The following ADGRG6 variants were observed in gnomAD, a reference collection of about 807,000 sequenced individuals.
The protein encoded by ADGRG6 is G-protein coupled receptor 126.
A neutral mutation model predicts 142.4 loss-of-function variants in ADGRG6; 84 were observed. That is an observed-to-expected ratio of 0.59 (90% CI 0.49 to 0.71). The LOEUF (loss-of-function observed/expected upper bound fraction) is 0.71, where lower values mean the gene tolerates loss of function less well. Among genes scored for constraint, ADGRG6 ranks in the 30% least tolerant of loss-of-function variants. The pLI is 0.00. For synonymous variants in ADGRG6, 521 were observed against 520.5 expected (o/e 1.00, Z -0.01); for missense variants, 1,367 against 1,466.6 (o/e 0.93, Z 1.11).
rs150389665 is a variant in ADGRG6, at chr6:142,334,151, A to G, written c.103+24507A>G. The stretch of plus-strand genomic sequence containing the variant: ...ATATGAATGTTCAACTTGAAATTCT[A>G]GAAATATGATCATTAATGGAAATAC... On this transcript the variant is annotated intron_variant, in intron 2 of 24. Coordinates refer to ENST00000367609, the MANE Select transcript of ADGRG6 (RefSeq NM_198569.3). Among the ~76,000 whole-genome samples the G allele has an allele frequency of 7.7e-4, 117 of 152,330 alleles. 1 individual carries two copies. The highest frequency in any genetic ancestry group is 9.7e-4 in the Non-Finnish European group (66 of 68,022).
intron 2 of ADGRG6, among the ~76,000 whole-genome samples, chr6:142,335,184 T>G (rs1337761430): frequency 6.6e-6 from 1 of 152,202 alleles, no homozygotes; most frequent in Non-Finnish European, 1.5e-5. Context: ...TAGTGTTAAG[T>G]CATGGGGAAC....
chr6:142,415,679 G>A (rs1007938290), intron 19 of ADGRG6, 117 bp from the exon 20 acceptor site: 5 of 657,102 alleles, frequency 7.6e-6, no homozygotes, highest in African/African-American at 5.4e-5. Flanking sequence ...ACATCAGAAA[G>A]GTGGTGCTAC....
In ADGRG6 at chr6:142,370,542, A is replaced by G. The variant is rs1781190550; in HGVS notation, c.818A>G (p.Glu273Gly). Residue 273 changes from glutamate (E) to glycine (G), a missense_variant, in exon 4 of 25, where the codon GAA (glutamate) becomes GGA (glycine). Transcript: ENST00000367609. ...GGTGTAAATTTCAAAAGAAACTATGAAACAGTTCCATGTGATTCTACCATT... is the reference window on the plus strand; with the variant it reads ...GGTGTAAATTTCAAAAGAAACTATGGAACAGTTCCATGTGATTCTACCATT... ...SIGVNFKRNY[E>G]TVPCDSTISK... 3 of 1,613,470 alleles carry G rather than the reference A, an allele frequency of 1.9e-6. No homozygotes were observed. The South Asian group carries it at 3.3e-5, about 18-fold the overall frequency.
At chr6:142,436,451 CATAGTAGGGTCATGGATGTGG>C (rs573991948) in intron 22 of ADGRG6, among the ~76,000 whole-genome samples, 1,850 of 151,986 alleles carry the variant, frequency 0.012, 20 homozygotes, top group Middle Eastern at 0.1. Flanking sequence ...CAAGAGTGGT[CATAGTAGGGTCATGGATGTGG>C]ATAGCAATCT....
chr6:142,348,600 G>A (rs932976977), intron 2 of ADGRG6, among the ~76,000 whole-genome samples: 2 of 151,364 alleles, frequency 1.3e-5, no homozygotes, highest in South Asian at 2.1e-4. Flanking sequence ...TGGATCATGA[G>A]CAAAGCAATA....
At chr6:142,401,855 G>A (rs1775544368) in intron 11 of ADGRG6, 139 bp from the exon 12 acceptor site, 1 of 543,006 alleles carries the variant, frequency 1.8e-6, no homozygotes, top group African/African-American at 1.9e-5. Flanking sequence ...TGGAAAGAGT[G>A]AGAAGCTCAG....
chr6:142,389,587 G>C (rs188827001), intron 6 of ADGRG6, among the ~76,000 whole-genome samples: 28 of 151,714 alleles, frequency 1.8e-4, no homozygotes, highest in Non-Finnish European at 2.8e-4. Flanking sequence ...TTTACAATAA[G>C]GTTTTCTTTT....
intron 2 of ADGRG6, among the ~76,000 whole-genome samples, chr6:142,367,326 T>C (rs1202752503): frequency 6.6e-6 from 1 of 152,200 alleles, no homozygotes; most frequent in Non-Finnish European, 1.5e-5. Flanking sequence ...TCTCAGACTG[T>C]ATAACCTCCC....
intron 2 of ADGRG6, among the ~76,000 whole-genome samples, chr6:142,337,867 CAG>C (rs1416807444): frequency 1.3e-5 from 2 of 151,534 alleles, no homozygotes; most frequent in African/African-American, 4.8e-5. Flanking sequence ...TGGGCTAACA[CAG>C]GGGACTCATA....
At position 142,370,387 on chromosome 6, in the gene ADGRG6, C is replaced by G; in HGVS notation, c.663C>G (p.Gly221=). ...QLLSFGKAKS[G]YFLSISDSKC... ...TCAGTTTTGGAAAGGCCAAGAGTGGCTACTTTCTATCCATTTCTGATTCAA... is the reference window on the plus strand; with the variant it reads ...TCAGTTTTGGAAAGGCCAAGAGTGGGTACTTTCTATCCATTTCTGATTCAA... The change falls in exon 4 of 25, where the codon GGC becomes GGG. Residue 221 remains glycine (G), a synonymous_variant. Transcript: ENST00000367609. 1.2e-6 allele frequency: 2 copies of G among 1,613,134 alleles called. No homozygotes were observed. The highest frequency in any genetic ancestry group is 2.2e-5 in the South Asian group (2 of 91,044).
intron 4 of ADGRG6, among the ~76,000 whole-genome samples, chr6:142,373,173 G>A (rs1296909642): frequency 1.3e-5 from 2 of 152,142 alleles, no homozygotes; most frequent in Non-Finnish European, 2.9e-5. Context: ...ATTGGAGCTT[G>A]GAAAGTTTGG....
At chr6:142,432,994 C>T (rs967408294) in intron 22 of ADGRG6, among the ~76,000 whole-genome samples, 11 of 152,194 alleles carry the variant, frequency 7.2e-5, no homozygotes, top group African/African-American at 2.4e-4. Flanking sequence ...GGCCCTCTAA[C>T]GAATAATACC....
chr6:142,368,892 A>G (rs1249382108), intron 3 of ADGRG6, among the ~76,000 whole-genome samples: 1 of 152,162 alleles, frequency 6.6e-6, no homozygotes, highest in Admixed American at 6.5e-5. Context: ...ACCACTAATA[A>G]AATGTTGATG....
chr6:142,383,625 C>G, intron 5 of ADGRG6, 135 bp from the exon 6 acceptor site: 1 of 602,226 alleles, frequency 1.7e-6, no homozygotes, highest in East Asian at 2.8e-5. Context: ...ACATTACAAC[C>G]TTGGAGTCTT....
At position 142,411,440 on chromosome 6, in the gene ADGRG6, G is replaced by A. The variant is rs772468394; in HGVS notation, c.2541+29G>A. 14 of 1,116,788 alleles carry A rather than the reference G, an allele frequency of 1.3e-5. No individual in the cohort carries two copies. The South Asian group carries it at 1.4e-4, about 11-fold the overall frequency. 69.2% of individuals were successfully genotyped at this position (1,116,788 alleles called of 1,614,324 possible). ...AGGGGGGAATTTCTAAGCTCATTTT[G>A]ACATGCTGTAACTTTGGATGGCATA... is the stretch of plus-strand genomic sequence containing the variant. On this transcript the variant is annotated intron_variant, in intron 18 of 24. Transcript: ENST00000367609.
chr6:142,372,719 T>C (rs548430094), intron 4 of ADGRG6, among the ~76,000 whole-genome samples: 1 of 152,314 alleles, frequency 6.6e-6, no homozygotes, highest in East Asian at 1.9e-4. Flanking sequence ...AAGTCTTTTA[T>C]CAGAGAAGAA....
intron 11 of ADGRG6, 173 bp downstream of exon 11, chr6:142,400,769 C>A: frequency 1.9e-6 from 1 of 532,898 alleles, no homozygotes; most frequent in Non-Finnish European, 3.4e-6. Flanking sequence ...AAGTGGATGA[C>A]TCAGAAAGGC....
rs147217125 is a variant in ADGRG6 at position 142,326,182 on chromosome 6, G to A, written c.103+16538G>A. On this transcript the variant is annotated intron_variant, in intron 2 of 24. Coordinates refer to ENST00000367609, the MANE Select transcript of ADGRG6 (RefSeq NM_198569.3). ...AATAGTTTTATTTTTTTCCAAATAT[G>A]TCTTCAAAATAATTCTACTTGACTT... Among the ~76,000 whole-genome samples, 205 of 151,754 alleles carry A rather than the reference G, an allele frequency of 1.4e-3. 2 individuals carry two copies. The highest frequency in any genetic ancestry group is 4.6e-3 in the African/African-American group (192 of 41,442).
intron 2 of ADGRG6, among the ~76,000 whole-genome samples, chr6:142,361,894 A>G (rs1179097795): frequency 1.3e-5 from 2 of 152,024 alleles, no homozygotes; most frequent in Non-Finnish European, 2.9e-5. Flanking sequence ...GTGTGTGTAC[A>G]TATGCATACC....
Sources: allele counts gnomAD v4.1 joint callset (sites outside exome capture counted in the v4.1 genomes callset), GRCh38; gene constraint gnomAD v4.1.1; transcripts MANE v1.5; gene names NCBI Gene and HGNC (gene_info 2026-07-23, HGNC 2026-07-21).